The following HDAC9 variants were observed in gnomAD, a reference collection of about 807,000 sequenced individuals.
HDAC9 encodes MEF-2 interacting transcription repressor (MITR) protein.
A neutral mutation model predicts 139.4 loss-of-function variants in HDAC9; 41 were observed. The observed-to-expected ratio is 0.29, with a 90% CI of 0.23 to 0.38. The LOEUF is 0.38. HDAC9 is among the 10% of genes least tolerant of loss of function. The pLI is 1.00. For missense variants in HDAC9, 1,147 were observed against 1,297.0 expected (o/e 0.88, Z 1.78); for synonymous variants, 517 against 476.2 (o/e 1.09, Z -1.12).
intron 25 of HDAC9, among the ~76,000 whole-genome samples, chr7:18,983,728 T>C (rs59073140): frequency 0.057 from 8,623 of 152,222 alleles, 271 homozygotes; most frequent in Middle Eastern, 0.1. Context: ...ACAGTTCCAA[T>C]TGCATCATAG....
intron 25 of HDAC9, among the ~76,000 whole-genome samples, chr7:18,984,195 T>C (rs940923312): frequency 1.3e-5 from 2 of 152,138 alleles, no homozygotes; most frequent in Non-Finnish European, 2.9e-5. Context: ...AGCATTATTT[T>C]TTTAATAGCA....
chr7:18,192,409 T>C (rs536240207), intron 2 of HDAC9, among the ~76,000 whole-genome samples: 2 of 152,314 alleles, frequency 1.3e-5, no homozygotes, highest in Admixed American at 1.3e-4. Context: ...GATGTTTAAC[T>C]TTTATTGCAA....
intron 2 of HDAC9, among the ~76,000 whole-genome samples, chr7:18,278,060 C>G (rs1394974304): frequency 6.6e-6 from 1 of 152,236 alleles, no homozygotes; most frequent in Non-Finnish European, 1.5e-5. Context: ...GAAGCACCAT[C>G]TTGAACTTCC....
chr7:18,207,151 T>A (rs1410470435), intron 2 of HDAC9, among the ~76,000 whole-genome samples: 1 of 152,026 alleles, frequency 6.6e-6, no homozygotes, highest in Non-Finnish European at 1.5e-5. Context: ...TTGCCCAGGG[T>A]GGTCTCGAAC....
chr7:18,839,492 A>G (rs1254359625), intron 21 of HDAC9, among the ~76,000 whole-genome samples: 2 of 152,094 alleles, frequency 1.3e-5, no homozygotes, highest in South Asian at 4.1e-4. Context: ...ACAACATGGC[A>G]GAGAAGAGCT....
intron 1 of HDAC9, among the ~76,000 whole-genome samples, chr7:18,139,121 C>CTTTTTT (rs552350047): frequency 2.8e-5 from 3 of 105,926 alleles, no homozygotes; most frequent in Non-Finnish European, 3.8e-5. Context: ...ATAATCTGGA[C>CTTTTTT]TTTTTTTTTT....
In HDAC9 at chr7:18,825,963, T is replaced by C. The variant is rs150705086; in HGVS notation, c.2323-3198T>C. Among the ~76,000 whole-genome samples, 43 of 151,140 alleles carry C rather than the reference T, an allele frequency of 2.8e-4. 1 individual carries two copies. The highest frequency in any genetic ancestry group is 2.5e-3 in the East Asian group (13 of 5,164). On this transcript the variant is annotated intron_variant, in intron 17 of 25. Transcript: ENST00000686413. Reference sequence around the variant, plus strand: ...TGAGCCTATTTGAATCTCAATACAATGTCTATAATTTGGAGGGGAATTATA... The same window carrying C: ...TGAGCCTATTTGAATCTCAATACAACGTCTATAATTTGGAGGGGAATTATA...
intron 1 of HDAC9, among the ~76,000 whole-genome samples, chr7:18,381,785 C>T (rs576223683): frequency 6.6e-6 from 1 of 152,190 alleles, no homozygotes; most frequent in East Asian, 1.9e-4. Flanking sequence ...TACATGCTGA[C>T]AAGAGAGTTC....
chr7:18,312,272 G>GTC (rs1284734570), intron 1 of HDAC9, among the ~76,000 whole-genome samples: 1 of 152,172 alleles, frequency 6.6e-6, no homozygotes, highest in African/African-American at 2.4e-5. Flanking sequence ...TTCCTTGGTT[G>GTC]TCTCTCTTTT....
At chr7:18,319,513 C>T (rs1275868440) in intron 1 of HDAC9, among the ~76,000 whole-genome samples, 1 of 152,180 alleles carries the variant, frequency 6.6e-6, no homozygotes, top group African/African-American at 2.4e-5. Flanking sequence ...AACAAATCTG[C>T]TATTCTTGCA....
In HDAC9 at chr7:18,107,662, ATT is replaced by A. The variant is rs565133495; in HGVS notation, c.-97+20452_-97+20453del. The stretch of plus-strand genomic sequence containing the variant: ...GTGTTAGATTTAAGGCCTAAAGTGG[ATT>A]TTAAACTGACACCTCCCCTAACATA... On this transcript the variant is annotated intron_variant, in intron 1 of 12. Coordinates refer to the HDAC9 transcript ENST00000417496. Among the ~76,000 whole-genome samples the A allele has an allele frequency of 3.9e-3, 590 of 152,326 alleles. 14 individuals are homozygous for A. Among genetic ancestry groups the A allele is most frequent in the Admixed American group, 0.037 (559 of 15,296 alleles).
intron 1 of HDAC9, among the ~76,000 whole-genome samples, chr7:18,112,576 C>G (rs1783699420): frequency 6.6e-6 from 1 of 152,172 alleles, no homozygotes; most frequent in African/African-American, 2.4e-5. Flanking sequence ...GTGTCAGAAC[C>G]TACCAGGTTT....
At chr7:18,825,861 G>A (rs994676712) in intron 17 of HDAC9, among the ~76,000 whole-genome samples, 12 of 146,682 alleles carry the variant, frequency 8.2e-5, no homozygotes, top group South Asian at 2.1e-4. Context: ...CACACATATC[G>A]TATATTATGT....
chr7:18,917,495 C>T lies in HDAC9; in HGVS notation c.2804-18314C>T, dbSNP rs144421193. 5.1e-3 allele frequency among the ~76,000 whole-genome samples: 780 copies of T among 152,030 alleles called. 7 individuals carry two copies. Among genetic ancestry groups the T allele is most frequent in the African/African-American group, 0.018 (742 of 41,500 alleles). ...TGAGCAAATTCTGCAAGCAAAATGTCTAGTGATCAGAGCCACTTGTCTGAA... is the reference window on the plus strand; with the variant it reads ...TGAGCAAATTCTGCAAGCAAAATGTTTAGTGATCAGAGCCACTTGTCTGAA... On this transcript the variant is annotated intron_variant, in intron 22 of 25. Coordinates refer to ENST00000686413, the MANE Select transcript of HDAC9 (RefSeq NM_178425.4).
intron 2 of HDAC9, among the ~76,000 whole-genome samples, chr7:18,523,621 T>C (rs954776797): frequency 3.9e-5 from 6 of 152,198 alleles, no homozygotes; most frequent in African/African-American, 1.4e-4. Flanking sequence ...TTTGCACATG[T>C]ATATGTGTGT....
chr7:18,693,268 T>G (rs538674876), intron 12 of HDAC9, among the ~76,000 whole-genome samples: 7 of 152,222 alleles, frequency 4.6e-5, no homozygotes, highest in South Asian at 2.1e-4. Flanking sequence ...TTATTTCTAT[T>G]TAGCCTATTG....
At chr7:18,831,518 G>C (rs1442938384) in intron 19 of HDAC9, among the ~76,000 whole-genome samples, 2 of 152,104 alleles carry the variant, frequency 1.3e-5, no homozygotes, top group Admixed American at 1.3e-4. Context: ...TTCCCAACAG[G>C]CTGTAGTAGA....
chr7:18,163,044 T>C (rs1787755624), intron 2 of HDAC9, among the ~76,000 whole-genome samples: 1 of 152,196 alleles, frequency 6.6e-6, no homozygotes, highest in South Asian at 2.1e-4. Flanking sequence ...CTTGGATACT[T>C]ACAGAAGCAT....
intron 13 of HDAC9, among the ~76,000 whole-genome samples, chr7:18,737,056 T>C (rs572622739): frequency 2.0e-5 from 3 of 152,356 alleles, no homozygotes; most frequent in South Asian, 2.1e-4. Context: ...TGGTAGTTTG[T>C]ATTTCTGTGG....
Sources: allele counts gnomAD v4.1 joint callset (sites outside exome capture counted in the v4.1 genomes callset), GRCh38; gene constraint gnomAD v4.1.1; transcripts MANE v1.5; gene names NCBI Gene and HGNC (gene_info 2026-07-23, HGNC 2026-07-21).